Variants in ATP11A observed in about 807,000 individuals in gnomAD.
ATP11A encodes the protein phospholipid-transporting ATPase IH.
A neutral mutation model predicts 154.4 loss-of-function variants in ATP11A; 81 were observed. The observed-to-expected ratio is 0.52, with a 90% CI of 0.44 to 0.63. The LOEUF (loss-of-function observed/expected upper bound fraction) is 0.63, where lower values mean the gene tolerates loss of function less well. ATP11A is among the 30% of genes least tolerant of loss of function. The pLI is 0.00. For missense variants in ATP11A, 1,316 were observed against 1,474.3 expected, an observed-to-expected ratio of 0.89 and a Z score of 1.76; for synonymous variants, 623 against 585.9, an observed-to-expected ratio of 1.06 and a Z score of -0.91.
intron 1 of ATP11A, among the ~76,000 whole-genome samples, chr13:112,729,249 A>C (rs1281974416): frequency 6.6e-6 from 1 of 152,152 alleles, no homozygotes; most frequent in African/African-American, 2.4e-5. Flanking sequence ...TGACCTTATG[A>C]CAGGCCACCT....
At position 112,838,621 on chromosome 13, in the gene ATP11A, A is replaced by G. The variant is rs1053710457; in HGVS notation, c.1705+2370A>G. On this transcript the variant is annotated intron_variant, in intron 16 of 29. Coordinates refer to ENST00000375645, the MANE Select transcript of ATP11A (RefSeq NM_015205.3). The surrounding 1 kb of genome is among the most constrained non-coding windows in gnomAD (Gnocchi z 7.3). The stretch of plus-strand genomic sequence containing the variant: ...GCTATGCCGTGGAATCTTTGTAAAT[A>G]ACTTCTGTTACTATCAAAAGGCTGA... Among the ~76,000 whole-genome samples the G allele has an allele frequency of 6.6e-6, 1 of 152,192 alleles. No homozygotes were observed. The highest frequency in any genetic ancestry group is 2.4e-5 in the African/African-American group (1 of 41,460).
At chr13:112,698,879 G>T (rs1017650784) in intron 1 of ATP11A, among the ~76,000 whole-genome samples, 7 of 151,978 alleles carry the variant, frequency 4.6e-5, no homozygotes, top group African/African-American at 1.7e-4. Flanking sequence ...CTGCCACCAC[G>T]CCTGTCTCAT....
intron 1 of ATP11A, among the ~76,000 whole-genome samples, chr13:112,704,025 T>C (rs1263498352): frequency 6.6e-6 from 1 of 152,190 alleles, no homozygotes; most frequent in Non-Finnish European, 1.5e-5. Flanking sequence ...TTGACAAAAT[T>C]GGACCGTGCT....
At chr13:112,858,991 C>T (rs749913430) in intron 22 of ATP11A, 10 of 268,354 alleles carry the variant, frequency 3.7e-5, no homozygotes, top group South Asian at 8.1e-5. Flanking sequence ...GAGGGCCTGC[C>T]GTGCCGCGGG....
chr13:112,744,147 A>T (rs1566414732), intron 1 of ATP11A, among the ~76,000 whole-genome samples: 3 of 152,204 alleles, frequency 2.0e-5, no homozygotes, highest in Admixed American at 1.3e-4. Context: ...AAGTTAAAAC[A>T]AGAAGGCAGG....
intron 1 of ATP11A, among the ~76,000 whole-genome samples, chr13:112,738,314 A>T (rs1891194237): frequency 6.6e-6 from 1 of 152,172 alleles, no homozygotes; most frequent in Non-Finnish European, 1.5e-5. Context: ...CAGAGGTTGC[A>T]GTGAATTGAG....
chr13:112,860,380 A>G lies in ATP11A; in HGVS notation c.2821A>G (p.Ile941Val). The G allele has an allele frequency of 6.2e-7, 1 of 1,614,136 alleles. No homozygotes were observed. The highest frequency in any genetic ancestry group is 8.5e-7 in the Non-Finnish European group (1 of 1,180,016). Reference protein sequence around the residue: ...LYSLMEQHVGIDVLKRDPTLY... With the variant: ...LYSLMEQHVGVDVLKRDPTLY... ...CAGCCTCATGGAGCAGCATGTTGGC[A>G]TTGACGTGCTCAAGAGAGACCCGAC... is the stretch of plus-strand genomic sequence containing the variant. Residue 941 changes from isoleucine to valine, a missense_variant, in exon 24 of 30, where the codon ATT becomes GTT. Ile to Val is a conservative substitution (Grantham distance 29). Around this residue, in one of 5 missense-constraint regions of ATP11A, gnomAD observed 294 missense variants for 290.2 expected, o/e 1.01. Coordinates refer to ENST00000375645, the MANE Select transcript of ATP11A (RefSeq NM_015205.3).
Position 112,883,049 on chromosome 13 carries a change from C to T in ATP11A, c.*1183C>T. 2 of 398,174 alleles carry T rather than the reference C, an allele frequency of 5.0e-6. No individual in the cohort carries two copies. Among genetic ancestry groups the T allele is most frequent in the Non-Finnish European group, 8.8e-6 (2 of 226,014 alleles). The allele number at this position is 398,174 out of a possible 1,614,324, so 24.7% of individuals were successfully genotyped here. A position where few individuals can be genotyped will look rare whatever the true frequency, so the allele number is the denominator to read the frequency against. ...TCCCCTCATCCCGTCACCTCGTCCC[C>T]ACATCCCCTTGCCCCGTCACCTCGT... On this transcript the variant is annotated 3_prime_UTR_variant, in exon 30 of 30. Coordinates refer to ENST00000375645, the MANE Select transcript of ATP11A (RefSeq NM_015205.3).
At position 112,881,976 on chromosome 13, in the gene ATP11A, C is replaced by T. The variant is rs778587924; in HGVS notation, c.*110C>T. The T allele has an allele frequency of 2.2e-6, 3 of 1,367,810 alleles. No individual in the cohort carries two copies. The highest frequency in any genetic ancestry group is 3.8e-5 in the Admixed American group (2 of 52,590). 84.7% of individuals were successfully genotyped at this position (1,367,810 alleles called of 1,614,324 possible). ...TGGAAGGAGAAGGTGTCCACGGAGC[C>T]CCCACCCATCCTCGGCGGTTCCCAT... On this transcript the variant is annotated 3_prime_UTR_variant, in exon 30 of 30. Coordinates refer to ENST00000375645, the MANE Select transcript of ATP11A (RefSeq NM_015205.3).
At chr13:112,879,295 A>G (rs2080817552) in intron 29 of ATP11A, among the ~76,000 whole-genome samples, 1 of 152,252 alleles carries the variant, frequency 6.6e-6, no homozygotes, top group African/African-American at 2.4e-5. Context: ...TTTAACTGAC[A>G]AAATGGTCCT....
At position 112,878,221 on chromosome 13, in the gene ATP11A, AG is replaced by A; in HGVS notation, c.3333del (p.Ser1112AlafsTer21). 6.2e-7 allele frequency: 1 copy of A among 1,614,142 alleles called. No individual in the cohort carries two copies. The highest frequency in any genetic ancestry group is 8.5e-7 in the Non-Finnish European group (1 of 1,179,974). On this transcript the variant is annotated frameshift_variant, in exon 29 of 30. Transcript: ENST00000375645. ...GCCGCTGACCTCGGGACTAAGACTA[AG>A]AGCCAGTGCCTTTCTGTCGAGCAGT... ...WPTATERVQT[K>X]SQCLSVEQST...
intron 2 of ATP11A, among the ~76,000 whole-genome samples, chr13:112,788,457 G>GC (rs1456912806): frequency 6.7e-6 from 1 of 149,654 alleles, no homozygotes; most frequent in Non-Finnish European, 1.5e-5. Context: ...GTAGACCCTT[G>GC]CGGAGACCTA....
At position 112,803,810 on chromosome 13, in the gene ATP11A, CCCTCCTTCCTCTCCTTCCCCTCCT is replaced by C. The variant is rs1471935387; in HGVS notation, c.163-1122_163-1099del. Among the ~76,000 whole-genome samples, 347 of 95,374 alleles carry C rather than the reference CCCTCCTTCCTCTCCTTCCCCTCCT, an allele frequency of 3.6e-3. 14 individuals are homozygous for C. The highest frequency in any genetic ancestry group is 4.1e-3 in the Non-Finnish European group (194 of 47,182). The allele number at this position is 95,374 out of a possible 152,430, so 62.6% of individuals were successfully genotyped here. ...CTCCCTGCCTTACTTCCCCTCCCTC[CCCTCCTTCCTCTCCTTCCCCTCCT>C]CCTCCTTCCTCTCCTTCCCCTCCTT... On this transcript the variant is annotated intron_variant, in intron 2 of 29. Coordinates refer to ENST00000375645, the MANE Select transcript of ATP11A (RefSeq NM_015205.3).
chr13:112,809,316 G>A (rs999775486), intron 4 of ATP11A, among the ~76,000 whole-genome samples: 4 of 152,196 alleles, frequency 2.6e-5, no homozygotes, highest in South Asian at 2.1e-4. Flanking sequence ...GAGAAAGCTC[G>A]CACGTTTGGA....
chr13:112,757,450 C>G (rs945334108), intron 1 of ATP11A, among the ~76,000 whole-genome samples: 1 of 152,238 alleles, frequency 6.6e-6, no homozygotes, highest in South Asian at 2.1e-4. Flanking sequence ...CAGGTATTTG[C>G]GAAAACTACA....
Position 112,842,316 on chromosome 13 carries a change from A to G in ATP11A, c.1746A>G (p.Ile582Met). The change falls in exon 17 of 30, where the codon ATA (isoleucine) becomes ATG (methionine). Residue 582 changes from isoleucine (I) to methionine (M), a missense_variant. By Grantham distance (10) the Ile-to-Met change is conservative (BLOSUM62 1). Around this residue, in one of 5 missense-constraint regions of ATP11A, gnomAD observed 876 missense variants for 1,006.8 expected, o/e 0.87. Transcript: ENST00000375645. ...TTTGCAAAGGAGCAGATTCTTCGAT[A>G]TTCCCCCGAGTGATAGAAGGCAAAG... is the stretch of plus-strand genomic sequence containing the variant. ...YLFCKGADSSIFPRVIEGKVD... is the reference protein window; with the variant it reads ...YLFCKGADSSMFPRVIEGKVD... 6.2e-7 allele frequency: 1 copy of G among 1,612,120 alleles called. No homozygotes were observed. Among genetic ancestry groups the G allele is most frequent in the Non-Finnish European group, 8.5e-7 (1 of 1,179,152 alleles).
In ATP11A at chr13:112,882,243, T is replaced by A. The variant is rs1004740431; in HGVS notation, c.*377T>A. ...ATTCGGCTCAACGCAGGAGGGACAT[T>A]CTGCTGGCCCACCCTGCGCGCTGTC... On this transcript the variant is annotated 3_prime_UTR_variant, in exon 30 of 30. Transcript: ENST00000375645. This position sits in a 1 kb window ranked among gnomAD's most constrained non-coding sequence, Gnocchi z 5.1. The A allele has an allele frequency of 1.4e-6, 1 of 726,596 alleles. No homozygotes were observed. The highest frequency in any genetic ancestry group is 5.8e-5 in the East Asian group (1 of 17,358). 45.0% of individuals were successfully genotyped at this position (726,596 alleles called of 1,614,324 possible).
intron 1 of ATP11A, among the ~76,000 whole-genome samples, chr13:112,741,743 C>G (rs770185020): frequency 2.7e-4 from 41 of 152,182 alleles, no homozygotes; most frequent in Non-Finnish European, 5.6e-4. Flanking sequence ...GTTTGTGGCT[C>G]TCTCTGCACT....
chr13:112,699,552 C>T (rs1211444026), intron 1 of ATP11A, among the ~76,000 whole-genome samples: 2 of 152,212 alleles, frequency 1.3e-5, no homozygotes, highest in African/African-American at 4.8e-5. Flanking sequence ...GTGAACTCTG[C>T]ACCGTATAGT....
Sources: gnomAD v4.1 joint callset for allele counts (sites outside exome capture counted in the v4.1 genomes callset) on GRCh38, gnomAD v4.1.1 for gene constraint, gnomAD v4.1.1 regional missense constraint, Gnocchi (gnomAD v3.1) non-coding constraint, MANE v1.5 for transcripts, NCBI Gene and HGNC (gene_info 2026-07-23, HGNC 2026-07-21) for gene names.